Variants in SHLD2 observed in about 807,000 individuals in gnomAD.
SHLD2 encodes the protein RINN1-REV7-interacting novel NHEJ regulator 2.
In SHLD2, 30 loss-of-function variants were observed where a neutral mutation model predicts 73.2. The observed-to-expected ratio is 0.41, with a 90% CI of 0.31 to 0.56. The LOEUF is 0.56. Among genes scored for constraint, SHLD2 ranks in the 20% least tolerant of loss-of-function variants. The pLI is 0.28. For missense variants in SHLD2, 745 were observed against 1,055.9 expected, an observed-to-expected ratio of 0.71 and a Z score of 4.08; for synonymous variants, 285 against 370.1, an observed-to-expected ratio of 0.77 and a Z score of 2.64.
At chr10:87,096,576 G>C (rs1841909677) in intron 1 of SHLD2, among the ~76,000 whole-genome samples, 1 of 151,908 alleles carries the variant, frequency 6.6e-6, no homozygotes. Flanking sequence ...TCTATAAAAA[G>C]AAAATAAAAA....
At chr10:87,094,516 A>T (rs1451252342), upstream of SHLD2, 1 of 1,613,170 alleles carries the variant, frequency 6.2e-7, no homozygotes, top group Admixed American at 1.7e-5. This position sits in a 1 kb window ranked among gnomAD's most constrained non-coding sequence, Gnocchi z 6.6. Flanking sequence ...GTCCTCCACC[A>T]GCTTGTCCTC....
At chr10:87,136,583 C>G (rs1383539279) in intron 2 of SHLD2, among the ~76,000 whole-genome samples, 1 of 151,964 alleles carries the variant, frequency 6.6e-6, no homozygotes, top group Non-Finnish European at 1.5e-5. Context: ...TATATGTATC[C>G]ATCTGTATCT....
At position 87,096,974 on chromosome 10, in the gene SHLD2, T is replaced by C. The variant is rs1841941823; in HGVS notation, c.-21T>C. 1 of 152,210 alleles carries C rather than the reference T, an allele frequency of 6.6e-6. No individual in the cohort carries two copies. Among genetic ancestry groups the C allele is most frequent in the African/African-American group, 2.4e-5 (1 of 41,446 alleles). 9.4% of individuals were successfully genotyped at this position (152,210 alleles called of 1,614,324 possible). ...GACCTGAATCCTGAATTTTCCTTGA[T>C]GGTCAAAAGATTAAGGTATCAAATT... is the stretch of plus-strand genomic sequence containing the variant. On this transcript the variant is annotated 5_prime_UTR_variant, in exon 2 of 10. It removes an upstream start codon present in the reference 5' UTR. Transcript: ENST00000298786.
intron 2 of SHLD2, among the ~76,000 whole-genome samples, chr10:87,107,363 G>A (rs528862943): frequency 3.9e-5 from 6 of 152,204 alleles, no homozygotes; most frequent in East Asian, 1.9e-4. Context: ...GCAGTGAGCC[G>A]AGGTCTTGCC....
intron 2 of SHLD2, among the ~76,000 whole-genome samples, chr10:87,120,537 G>A (rs1232184033): frequency 9.2e-5 from 14 of 151,810 alleles, no homozygotes; most frequent in Admixed American, 7.9e-4. Flanking sequence ...GTGAACCACC[G>A]CGCCCGGCCG....
chr10:87,188,263 G>T (rs1416742025), intron 9 of SHLD2, among the ~76,000 whole-genome samples: 1 of 152,162 alleles, frequency 6.6e-6, no homozygotes, highest in Non-Finnish European at 1.5e-5. Flanking sequence ...GGTCTTGTGT[G>T]GTCCTGGCCC....
chr10:87,174,866 A>G (rs1847841054), intron 6 of SHLD2, among the ~76,000 whole-genome samples: 2 of 152,364 alleles, frequency 1.3e-5, no homozygotes, highest in Admixed American at 6.5e-5. Flanking sequence ...CTGTAATCCC[A>G]GCACTTTGGG....
At chr10:87,124,946 G>A (rs1275023032) in intron 2 of SHLD2, among the ~76,000 whole-genome samples, 10 of 151,998 alleles carry the variant, frequency 6.6e-5, no homozygotes, top group Non-Finnish European at 1.5e-4. Context: ...GTCTCACTAT[G>A]TTGGCAGGCT....
chr10:87,106,410 A>G (rs1453452649), intron 2 of SHLD2, among the ~76,000 whole-genome samples: 2 of 128,116 alleles, frequency 1.6e-5, no homozygotes, highest in African/African-American at 6.5e-5. Flanking sequence ...TTTTTAACGC[A>G]ATTTACAAAA....
At position 87,137,652 on chromosome 10, in the gene SHLD2, C is replaced by A. The variant is rs1844892187; in HGVS notation, c.-5-13698C>A. On this transcript the variant is annotated intron_variant, in intron 2 of 9. Coordinates refer to ENST00000298786, the MANE Select transcript of SHLD2 (RefSeq NM_001330112.2). ...GTGGCAGAAGACATATTTGAAGAGA[C>A]AATGCTCAGGAACTTCTAAAATTGA... Among the ~76,000 whole-genome samples the A allele has an allele frequency of 3.9e-5, 6 of 152,150 alleles. No homozygotes were observed. In the South Asian group the frequency reaches 1.2e-3, roughly 32 times the overall value.
intron 3 of SHLD2, among the ~76,000 whole-genome samples, chr10:87,153,843 T>C (rs1421314833): frequency 6.6e-6 from 1 of 152,082 alleles, no homozygotes; most frequent in Admixed American, 6.6e-5. Flanking sequence ...TCTCCTAGAC[T>C]CCAGAATTTA....
intron 2 of SHLD2, among the ~76,000 whole-genome samples, chr10:87,127,546 C>T (rs1844123492): frequency 9.6e-6 from 1 of 104,444 alleles, no homozygotes; most frequent in South Asian, 3.6e-4. Context: ...CCCACCCCGT[C>T]TGCCACCCCC....
At chr10:87,117,142 G>A (rs931747558) in intron 2 of SHLD2, among the ~76,000 whole-genome samples, 3 of 152,204 alleles carry the variant, frequency 2.0e-5, no homozygotes, top group Non-Finnish European at 2.9e-5. Context: ...AGCTGCGGCC[G>A]GGCAAGGTGG....
chr10:87,147,571 C>T (rs1055222793), intron 2 of SHLD2, among the ~76,000 whole-genome samples: 2 of 152,018 alleles, frequency 1.3e-5, no homozygotes, highest in Non-Finnish European at 2.9e-5. Flanking sequence ...CGGTAAATGT[C>T]GTATACACCT....
At position 87,148,563 on chromosome 10, in the gene SHLD2, G is replaced by T. The variant is rs922023683; in HGVS notation, c.-5-2787G>T. On this transcript the variant is annotated intron_variant, in intron 2 of 9. Transcript: ENST00000298786. The stretch of plus-strand genomic sequence containing the variant: ...AGAAACAACAAACAAGTTTGTGGGG[G>T]GGCGGGGGTTGGTTTTATTTTTAAA... Among the ~76,000 whole-genome samples, 20 of 142,462 alleles carry T rather than the reference G, an allele frequency of 1.4e-4. No homozygotes were observed. The East Asian group carries it at 3.0e-3, about 21-fold the overall frequency. 93.5% of individuals were successfully genotyped at this position (142,462 alleles called of 152,430 possible).
At chr10:87,110,047 G>T (rs1441985035) in intron 2 of SHLD2, among the ~76,000 whole-genome samples, 1 of 152,056 alleles carries the variant, frequency 6.6e-6, no homozygotes, top group Non-Finnish European at 1.5e-5. Flanking sequence ...CAGCACTTTG[G>T]GAGGCTGACA....
intron 2 of SHLD2, chr10:87,115,486 G>C (rs2476296): frequency 6.7e-6 from 1 of 149,172 alleles, no homozygotes; most frequent in African/African-American, 2.5e-5. Context: ...AGTTCTGTTG[G>C]GAATGCCCTG....
rs373275543 is a variant in SHLD2 at position 87,152,002 on chromosome 10, G to A, written c.648G>A (p.Ser216=). The change falls in exon 3 of 10, where the codon TCG becomes TCA. Residue 216 remains serine (S), a synonymous_variant. Transcript: ENST00000298786. ...ACCAGTGTTTGGGATTATTTTCCTC[G>A]AACGCAGTAGATAAGTCAAGGTCTG... ...IQNQCLGLFS[S]NAVDKSRSEA... 25 of 1,611,744 alleles carry A rather than the reference G, an allele frequency of 1.6e-5. No individual in the cohort carries two copies. The highest frequency in any genetic ancestry group is 4.5e-5 in the East Asian group (2 of 44,882).
chr10:87,110,378 G>C (rs1438213785), intron 2 of SHLD2, among the ~76,000 whole-genome samples: 1 of 152,124 alleles, frequency 6.6e-6, no homozygotes, highest in East Asian at 1.9e-4. Flanking sequence ...GGGAGGCCGA[G>C]GCGGGCGGAT....
Sources: gnomAD v4.1 joint callset for allele counts (sites outside exome capture counted in the v4.1 genomes callset) on GRCh38, gnomAD v4.1.1 for gene constraint, Gnocchi (gnomAD v3.1) non-coding constraint, MANE v1.5 for transcripts, NCBI Gene and HGNC (gene_info 2026-07-23, HGNC 2026-07-21) for gene names.